ACSF3: variants seen among roughly 807,000 people sequenced by gnomAD.
ACSF3 encodes the protein acyl-CoA synthetase family member 3.
In ACSF3, 78 loss-of-function variants were observed where a neutral mutation model predicts 53.2. The observed-to-expected ratio is 1.47, with a 90% CI of 1.22 to 1.77. ACSF3 has a LOEUF of 1.77. ACSF3 is among the 40% of genes most tolerant of loss of function. The pLI, the probability that ACSF3 is intolerant of heterozygous loss-of-function variation, is 0.00. For missense variants in ACSF3, 937 were observed against 771.1 expected, an observed-to-expected ratio of 1.22 and a Z score of -2.55; for synonymous variants, 414 against 333.1, an observed-to-expected ratio of 1.24 and a Z score of -2.65.
intron 1 of ACSF3, chr16:89,095,079 TGAG>T (rs1335305413): frequency 2.0e-5 from 3 of 152,244 alleles, no homozygotes; most frequent in African/African-American, 2.4e-5. Flanking sequence ...GAGACCTTGT[TGAG>T]GAGGGGGTTC....
intron 4 of ACSF3, among the ~76,000 whole-genome samples, chr16:89,105,283 G>C (rs917711835): frequency 6.6e-6 from 1 of 152,148 alleles, no homozygotes; most frequent in African/African-American, 2.4e-5. Flanking sequence ...TCTGCCTGGC[G>C]CTCTGCTCCA....
intron 7 of ACSF3, among the ~76,000 whole-genome samples, chr16:89,124,810 A>G (rs1907644771): frequency 6.6e-6 from 1 of 152,226 alleles, no homozygotes; most frequent in Non-Finnish European, 1.5e-5. Flanking sequence ...TATTTGTTGA[A>G]AAGACTACCC....
intron 8 of ACSF3, chr16:89,141,044 C>T: frequency 4.0e-6 from 5 of 1,255,270 alleles, no homozygotes; most frequent in Non-Finnish European, 5.2e-6. Context: ...GGTTATTTAA[C>T]TTGTTTGACT....
At chr16:89,146,127 C>T (rs1292768470) in intron 10 of ACSF3, 78 bp downstream of exon 10, 6 of 1,057,890 alleles carry the variant, frequency 5.7e-6, no homozygotes, top group Admixed American at 1.9e-5. Context: ...TAGGTATTGG[C>T]ATCGTCCGTC....
intron 10 of ACSF3, chr16:89,148,503 C>T (rs923223598): frequency 6.6e-6 from 1 of 152,258 alleles, no homozygotes; most frequent in Non-Finnish European, 1.5e-5. Context: ...TATCTCTGCT[C>T]CTGTGGCTCT....
intron 4 of ACSF3, among the ~76,000 whole-genome samples, chr16:89,104,509 G>A (rs1481532511): frequency 6.6e-6 from 1 of 152,056 alleles, no homozygotes; most frequent in African/African-American, 2.4e-5. Flanking sequence ...GCTGTGTGGA[G>A]CTCTGAGGCC....
chr16:89,108,560 C>T (rs556566908), intron 4 of ACSF3, among the ~76,000 whole-genome samples: 28 of 152,318 alleles, frequency 1.8e-4, no homozygotes, highest in African/African-American at 6.7e-4. Context: ...CCATTCCCAG[C>T]CCCTGGCAAC....
At chr16:89,095,461 A>G (rs143739880) in intron 1 of ACSF3, among the ~76,000 whole-genome samples, 11 of 152,238 alleles carry the variant, frequency 7.2e-5, no homozygotes, top group Non-Finnish European at 1.5e-4. Flanking sequence ...TGTAATTTTG[A>G]AAATAACCCT....
intron 2 of ACSF3, 50 bp from the exon 3 acceptor site, chr16:89,100,611 GT>G: frequency 6.5e-7 from 1 of 1,530,496 alleles, no homozygotes; most frequent in South Asian, 1.2e-5. Flanking sequence ...TCTTGGCCAC[GT>G]TTGGATGGGA....
intron 8 of ACSF3, chr16:89,136,825 T>C (rs147029815): frequency 1.6e-5 from 21 of 1,284,760 alleles, no homozygotes; most frequent in Admixed American, 9.2e-5. Flanking sequence ...AAAGGTCTGT[T>C]TCAGGTAACT....
intron 8 of ACSF3, 98 bp downstream of exon 8, chr16:89,133,360 G>A: frequency 1.1e-5 from 17 of 1,546,268 alleles, no homozygotes; most frequent in Non-Finnish European, 1.5e-5. Flanking sequence ...GGAGTTCCCA[G>A]AATTTTCAGC....
intron 8 of ACSF3, among the ~76,000 whole-genome samples, chr16:89,144,882 G>GTTTCCTAATGCA: frequency 6.6e-6 from 1 of 152,214 alleles, no homozygotes; most frequent in Non-Finnish European, 1.5e-5. Context: ...GGCCTGAGCC[G>GTTTCCTAATGCA]GCTTCCTAAT....
intron 8 of ACSF3, among the ~76,000 whole-genome samples, chr16:89,138,237 C>G (rs545089729): frequency 6.6e-6 from 1 of 152,356 alleles, no homozygotes; most frequent in East Asian, 1.9e-4. Flanking sequence ...AGCCCCAGGC[C>G]TGATGGCACA....
At chr16:89,136,618 A>C in intron 8 of ACSF3, 1 of 1,287,206 alleles carries the variant, frequency 7.8e-7, no homozygotes, top group South Asian at 1.2e-5. Flanking sequence ...GGCTGGACAC[A>C]GCTGAGGATG....
intron 7 of ACSF3, 30 bp downstream of exon 7, chr16:89,120,943 G>C (rs766119575): frequency 6.2e-7 from 1 of 1,600,434 alleles, no homozygotes; most frequent in Non-Finnish European, 8.6e-7. Context: ...GCAGGTGGGC[G>C]GCCGTGTGTC....
rs747089338 is a variant in ACSF3, at chr16:89,120,751, C to T, written c.1127-50C>T. 2.2e-5 allele frequency: 35 copies of T among 1,556,740 alleles called. No homozygotes were observed. In the South Asian group the frequency reaches 3.5e-4, roughly 15 times the overall value. On this transcript the variant is annotated intron_variant, in intron 6 of 10. Coordinates refer to ENST00000614302, the MANE Select transcript of ACSF3 (RefSeq NM_001243279.3). ...GAGCTCAGTGTGTGCTTCTCTCCTC[C>T]AGGTTCCTCTCACTCCAGCCTCCCC... is the stretch of plus-strand genomic sequence containing the variant.
intron 6 of ACSF3, among the ~76,000 whole-genome samples, chr16:89,115,436 T>C (rs1359351309): frequency 6.6e-6 from 1 of 152,220 alleles, no homozygotes; most frequent in African/African-American, 2.4e-5. Flanking sequence ...TCTGAGCCTG[T>C]CTGCTTCCGC....
At chr16:89,106,444 C>T (rs1386460136) in intron 4 of ACSF3, among the ~76,000 whole-genome samples, 1 of 152,150 alleles carries the variant, frequency 6.6e-6, no homozygotes, top group Non-Finnish European at 1.5e-5. Flanking sequence ...AGGCACCTGC[C>T]ACCACAGCCA....
At chr16:89,113,917 C>G (rs1431879687) in intron 5 of ACSF3, 1 of 333,306 alleles carries the variant, frequency 3.0e-6, no homozygotes, top group East Asian at 8.0e-5. Context: ...GGCTGTAGTC[C>G]CCGGATGTGC....
Sources: allele counts gnomAD v4.1 joint callset (sites outside exome capture counted in the v4.1 genomes callset), GRCh38; gene constraint gnomAD v4.1.1; transcripts MANE v1.5; gene names NCBI Gene and HGNC (gene_info 2026-07-23, HGNC 2026-07-21).